The following CASP10 variants were observed in gnomAD, a reference collection of about 807,000 sequenced individuals.
The protein encoded by CASP10 is caspase 10.
Under a neutral mutation model 48.5 loss-of-function variants are expected in CASP10, and 41 were observed. That is an observed-to-expected ratio of 0.85 (90% CI 0.66 to 1.10). The LOEUF (loss-of-function observed/expected upper bound fraction) is 1.10. CASP10 is among the 50% of genes least tolerant of loss of function. The probability of loss-of-function intolerance (pLI) is 0.00; values close to 1 mark genes in which losing one functional copy is unlikely to be tolerated. For synonymous variants in CASP10, 232 were observed against 238.4 expected, an observed-to-expected ratio of 0.97 and a Z score of 0.25; for missense variants, 614 against 614.5, an observed-to-expected ratio of 1.00 and a Z score of 0.01.
At chr2:201,198,993 TC>T (rs1185839075) in intron 5 of CASP10, among the ~76,000 whole-genome samples, 1 of 152,240 alleles carries the variant, frequency 6.6e-6, no homozygotes, top group Non-Finnish European at 1.5e-5. Flanking sequence ...TGTACTGTTT[TC>T]CTAGATTTAC....
Position 201,199,931 on chromosome 2 carries a change from T to A in CASP10, c.685-3799T>A, listed in dbSNP as rs138205131. Among the ~76,000 whole-genome samples the A allele has an allele frequency of 3.6e-3, 544 of 152,272 alleles. 4 individuals are homozygous for A. The highest frequency in any genetic ancestry group is 0.012 in the African/African-American group (519 of 41,558). On this transcript the variant is annotated intron_variant, in intron 5 of 9. Coordinates refer to ENST00000286186, the MANE Select transcript of CASP10 (RefSeq NM_032977.4). ...TTTTATGACATTTAATTTCCTCTTT[T>A]ATGCCATTGAGACTTTTGAAGAATG...
chr2:201,206,129 C>A (rs1442810676), intron 7 of CASP10, 156 bp downstream of exon 7: 6 of 581,544 alleles, frequency 1.0e-5, no homozygotes, highest in African/African-American at 1.9e-5. Context: ...TTCTCCCTCT[C>A]TCTGTAATTA....
At chr2:201,192,915 T>A in intron 3 of CASP10, 69 bp from the exon 4 acceptor site, 2 of 1,517,200 alleles carry the variant, frequency 1.3e-6, no homozygotes, top group South Asian at 2.3e-5. Context: ...CTACTGGCCA[T>A]GCAGATAACA....
chr2:201,206,346 G>T (rs1945204400), intron 7 of CASP10: 1 of 182,344 alleles, frequency 5.5e-6, no homozygotes, highest in Non-Finnish European at 1.2e-5. Context: ...GCTGCCCAGA[G>T]GCTCTGCTAA....
chr2:201,198,538 TC>T (rs1486940569), intron 5 of CASP10, among the ~76,000 whole-genome samples: 1 of 115,270 alleles, frequency 8.7e-6, no homozygotes, highest in Non-Finnish European at 1.8e-5. Context: ...ATTTTTTAAT[TC>T]TTTTTTTTTT....
At chr2:201,211,103 G>T (rs1005706521) in intron 9 of CASP10, among the ~76,000 whole-genome samples, 4 of 152,136 alleles carry the variant, frequency 2.6e-5, no homozygotes, top group African/African-American at 9.7e-5. Context: ...ACCTCTAAAA[G>T]CCTCTCTTGT....
chr2:201,208,209 A>C (rs753572822), intron 8 of CASP10, 26 bp downstream of exon 8: 167 of 1,591,298 alleles, frequency 1.0e-4, no homozygotes, highest in Non-Finnish European at 1.4e-4. Flanking sequence ...ACAGTTTATC[A>C]AATGCAAATT....
chr2:201,200,105 G>A (rs958982775), intron 5 of CASP10, among the ~76,000 whole-genome samples: 3 of 152,114 alleles, frequency 2.0e-5, no homozygotes, highest in Non-Finnish European at 2.9e-5. Context: ...CTGGAAATAC[G>A]TCATGTCCAT....
At chr2:201,205,359 G>A (rs1417386090) in intron 6 of CASP10, among the ~76,000 whole-genome samples, 2 of 151,528 alleles carry the variant, frequency 1.3e-5, no homozygotes, top group Non-Finnish European at 2.9e-5. Flanking sequence ...CAGGAAGCTG[G>A]GACTACAGGC....
At position 201,186,101 on chromosome 2, in the gene CASP10, C is replaced by T. The variant is rs1459497274; in HGVS notation, c.324C>T (p.Thr108=). ...TKEEVERLLP[T]RQRVSLFRNL... ...AGGAAGTGGAGCGACTGCTGCCCAC[C>T]CGACAAAGGGTTTCTCTGTTTAGGT... Residue 108 remains threonine, a synonymous_variant, in exon 2 of 10, where the codon ACC becomes ACT. Coordinates refer to ENST00000286186, the MANE Select transcript of CASP10 (RefSeq NM_032977.4). 1 of 1,611,924 alleles carries T rather than the reference C, an allele frequency of 6.2e-7. No individual in the cohort carries two copies. Among genetic ancestry groups the T allele is most frequent in the African/African-American group, 1.3e-5 (1 of 74,830 alleles).
At chr2:201,198,523 C>A (rs1425211961) in intron 5 of CASP10, among the ~76,000 whole-genome samples, 1 of 144,568 alleles carries the variant, frequency 6.9e-6, no homozygotes, top group East Asian at 2.0e-4. Flanking sequence ...CCGTACCCGG[C>A]CTTTATTTTT....
chr2:201,222,220 C>CTTT (rs11392581), downstream of CASP10, among the ~76,000 whole-genome samples: 67 of 136,636 alleles, frequency 4.9e-4, 2 homozygotes, highest in African/African-American at 8.9e-4. Context: ...TTTATTCATT[C>CTTT]TTTTTTTTTT....
chr2:201,184,995 T>C (rs938419934), intron 1 of CASP10, among the ~76,000 whole-genome samples: 12 of 152,116 alleles, frequency 7.9e-5, no homozygotes, highest in Non-Finnish European at 1.5e-4. Flanking sequence ...ATTTTATTTA[T>C]TTATTTTTCT....
intron 6 of CASP10, among the ~76,000 whole-genome samples, chr2:201,204,636 G>A (rs147373776): frequency 6.9e-4 from 105 of 152,268 alleles, no homozygotes; most frequent in Middle Eastern, 3.4e-3. Flanking sequence ...AAAAGGCACC[G>A]CAGCTAAAAA....
At position 201,193,090 on chromosome 2, in the gene CASP10, G is replaced by T. The variant is rs753989167; in HGVS notation, c.548G>T (p.Arg183Ile). Residue 183 changes from arginine to isoleucine, a missense_variant, in exon 4 of 10, where the codon AGA becomes ATA. Physicochemically the swap from Arg to Ile is moderately conservative, Grantham distance 97 (BLOSUM62 -3). Transcript: ENST00000286186. ...AAAACAGTTGTACCTAAACTTTTGA[G>T]AAACATAGAGAAATACAAAAGAGAG... Reference protein sequence around the residue: ...LCKTVVPKLLRNIEKYKREKA... With the variant: ...LCKTVVPKLLINIEKYKREKA... 1.2e-6 allele frequency: 2 copies of T among 1,613,842 alleles called. No homozygotes were observed. The highest frequency in any genetic ancestry group is 1.7e-6 in the Non-Finnish European group (2 of 1,179,808).
At position 201,185,940 on chromosome 2, in the gene CASP10, T is replaced by C. The variant is rs773417904; in HGVS notation, c.163T>C (p.Ser55Pro). ...GGTCCCCAACAAGAAGCTGGAGAAGTCCAGCTCAGCCTCAGATGTTTTTGA... is the reference window on the plus strand; with the variant it reads ...GGTCCCCAACAAGAAGCTGGAGAAGCCCAGCTCAGCCTCAGATGTTTTTGA... ...GLVPNKKLEK[S>P]SSASDVFEHL... is the part of the protein sequence containing the mutation. Residue 55 changes from serine (S) to proline (P), a missense_variant, in exon 2 of 10, where the codon TCC becomes CCC. Transcript: ENST00000286186. 1.5e-5 allele frequency: 24 copies of C among 1,614,032 alleles called. No individual in the cohort carries two copies. Among genetic ancestry groups the C allele is most frequent in the Non-Finnish European group, 2.0e-5 (24 of 1,180,010 alleles).
chr2:201,190,856 A>ATTG (rs1944586921), intron 3 of CASP10, among the ~76,000 whole-genome samples: 1 of 151,410 alleles, frequency 6.6e-6, no homozygotes, highest in African/African-American at 2.4e-5. Flanking sequence ...CAGAATTATT[A>ATTG]TTATTATTAT....
intron 9 of CASP10, among the ~76,000 whole-genome samples, chr2:201,227,220 T>G (rs918433025): frequency 6.6e-6 from 1 of 152,202 alleles, no homozygotes; most frequent in African/African-American, 2.4e-5. Flanking sequence ...TCAGTGCTGA[T>G]TAATGGAATT....
At chr2:201,214,130 T>C (rs1945492540) in intron 9 of CASP10, 1 of 152,152 alleles carries the variant, frequency 6.6e-6, no homozygotes, top group South Asian at 2.1e-4. Context: ...ATGTTATTAT[T>C]ATCATGCTCA....
Sources: allele counts gnomAD v4.1 joint callset (sites outside exome capture counted in the v4.1 genomes callset), GRCh38; gene constraint gnomAD v4.1.1; transcripts MANE v1.5; gene names NCBI Gene and HGNC (gene_info 2026-07-23, HGNC 2026-07-21).